Variants in PITPNM3 observed in about 807,000 individuals in gnomAD.
PITPNM3 encodes the protein membrane-associated phosphatidylinositol transfer protein 3.
A neutral mutation model predicts 102.0 loss-of-function variants in PITPNM3; 26 were observed. The ratio of observed to expected loss-of-function variants is 0.25; its 90% CI spans 0.19 to 0.35. The LOEUF (loss-of-function observed/expected upper bound fraction) is 0.35, where lower values mean the gene tolerates loss of function less well. PITPNM3 is among the 10% of genes least tolerant of loss of function. PITPNM3 has a pLI of 1.00. For missense variants in PITPNM3, 1,083 were observed against 1,346.1 expected (o/e 0.80, Z 3.06); for synonymous variants, 578 against 558.6 (o/e 1.03, Z -0.49).
chr17:6,472,902 T>G lies in PITPNM3; in HGVS notation c.1259-75A>C. 6.4e-7 allele frequency: 1 copy of G among 1,551,664 alleles called. No individual in the cohort carries two copies. Among genetic ancestry groups the G allele is most frequent in the Non-Finnish European group, 8.8e-7 (1 of 1,135,848 alleles). ...CTGGGCCCTAGGAGGCTCCCTGGAA[T>G]GCAGCCTGGAGTAGCCTACTCCCCT... On this transcript the variant is annotated intron_variant, in intron 10 of 19. Transcript: ENST00000262483. The surrounding 1 kb of genome is among the most constrained non-coding windows in gnomAD (Gnocchi z 4.1).
At chr17:6,482,050 C>T (rs926566393) in intron 6 of PITPNM3, among the ~76,000 whole-genome samples, 1 of 106,528 alleles carries the variant, frequency 9.4e-6, no homozygotes, top group Non-Finnish European at 2.3e-5. Flanking sequence ...GTCTCTCTCT[C>T]TCTCTCTCTC....
chr17:6,492,475 G>A (rs1016716177), intron 4 of PITPNM3, among the ~76,000 whole-genome samples: 3 of 152,186 alleles, frequency 2.0e-5, no homozygotes, highest in African/African-American at 7.2e-5. Context: ...AGGCTAATGA[G>A]GGAGTATAAA....
intron 16 of PITPNM3, 45 bp downstream of exon 16, chr17:6,464,125 A>T (rs1014862603): frequency 5.6e-6 from 9 of 1,613,728 alleles, no homozygotes; most frequent in Non-Finnish European, 7.6e-6. Context: ...TGGAAGGGCC[A>T]TAGAAATGAG....
intron 1 of PITPNM3, among the ~76,000 whole-genome samples, chr17:6,539,162 C>T (rs1012744597): frequency 5.3e-5 from 8 of 152,152 alleles, no homozygotes; most frequent in African/African-American, 1.9e-4. Flanking sequence ...AACACCAACT[C>T]GGTAGTCACC....
intron 9 of PITPNM3, 123 bp from the exon 10 acceptor site, chr17:6,474,727 G>T: frequency 8.3e-7 from 1 of 1,206,346 alleles, no homozygotes; most frequent in Non-Finnish European, 1.1e-6. Flanking sequence ...TCTCTGGGGC[G>T]GGGCTGAGAG....
intron 4 of PITPNM3, among the ~76,000 whole-genome samples, chr17:6,501,317 C>T (rs765168799): frequency 6.6e-5 from 10 of 152,170 alleles, no homozygotes; most frequent in Non-Finnish European, 1.5e-4. Context: ...TCTGGGGCCT[C>T]GCTGGCCAGG....
At chr17:6,543,597 G>C (rs1176202599) in intron 1 of PITPNM3, among the ~76,000 whole-genome samples, 1 of 152,256 alleles carries the variant, frequency 6.6e-6, no homozygotes, top group Non-Finnish European at 1.5e-5. Context: ...GATGGTGCCA[G>C]GAAGGAAGGA....
chr17:6,471,789 G>C (rs1196205351), intron 11 of PITPNM3, among the ~76,000 whole-genome samples: 3 of 152,158 alleles, frequency 2.0e-5, no homozygotes, highest in Non-Finnish European at 4.4e-5. Flanking sequence ...GGGGACTCCA[G>C]CCTGAGAGCT....
At chr17:6,464,424 C>CCCTGGCTCCTGCCAG in intron 15 of PITPNM3, 106 bp from the exon 16 acceptor site, 1 of 1,278,382 alleles carries the variant, frequency 7.8e-7, no homozygotes, top group Non-Finnish European at 1.1e-6. Context: ...GCCTGACATT[C>CCCTGGCTCCTGCCAG]CCTGGCTCCT....
chr17:6,551,756 G>A (rs1219420620), intron 1 of PITPNM3, among the ~76,000 whole-genome samples: 1 of 151,630 alleles, frequency 6.6e-6, no homozygotes, highest in Non-Finnish European at 1.5e-5. Context: ...TTTAATCTGC[G>A]CTAGTCCCCT....
intron 2 of PITPNM3, among the ~76,000 whole-genome samples, chr17:6,536,270 G>A (rs1909424233): frequency 6.6e-6 from 1 of 152,174 alleles, no homozygotes; most frequent in African/African-American, 2.4e-5. Flanking sequence ...GGGACGGCAG[G>A]TGAGCAGGGC....
chr17:6,507,470 G>T (rs1295394862), intron 3 of PITPNM3, among the ~76,000 whole-genome samples: 1 of 152,166 alleles, frequency 6.6e-6, no homozygotes, highest in Non-Finnish European at 1.5e-5. Flanking sequence ...TGTAATCCCA[G>T]CTACTAGGGA....
At chr17:6,510,330 T>C (rs1242462115) in intron 3 of PITPNM3, among the ~76,000 whole-genome samples, 1 of 152,176 alleles carries the variant, frequency 6.6e-6, no homozygotes, top group South Asian at 2.1e-4. Flanking sequence ...CAAATCTCCC[T>C]GCTTCCCACA....
In PITPNM3 at chr17:6,455,348, G is replaced by A. The variant is rs777744887; in HGVS notation, c.2915C>T (p.Ser972Leu). The change falls in exon 20 of 20, where the codon TCG becomes TTG. Residue 972 changes from serine (S) to leucine (L), a missense_variant. By Grantham distance (145) the Ser-to-Leu change is moderately radical (BLOSUM62 -2). This residue lies in a region of PITPNM3 where 208 missense variants were observed against 178.2 expected (regional missense o/e 1.17). Coordinates refer to ENST00000262483, the MANE Select transcript of PITPNM3 (RefSeq NM_031220.4). The stretch of plus-strand genomic sequence containing the variant: ...AGCACAGCCCACCCCTCAGGGCACC[G>A]ACTCGAACTTGGGGGGCCCACGCGC... ...SWARGPPKFE[S>L]VP The A allele has an allele frequency of 1.8e-5, 28 of 1,578,192 alleles. No homozygotes were observed. Among genetic ancestry groups the A allele is most frequent in the South Asian group, 2.3e-5 (2 of 85,664 alleles).
At chr17:6,462,725 A>C (rs898003525) in intron 17 of PITPNM3, among the ~76,000 whole-genome samples, 9 of 152,202 alleles carry the variant, frequency 5.9e-5, no homozygotes, top group African/African-American at 2.2e-4. Flanking sequence ...GGGAGTTCTA[A>C]AACTGGATGA....
intron 4 of PITPNM3, among the ~76,000 whole-genome samples, chr17:6,489,569 G>T (rs929459216): frequency 1.3e-5 from 2 of 152,024 alleles, no homozygotes; most frequent in Non-Finnish European, 2.9e-5. Flanking sequence ...TGGTCTCTTT[G>T]TTCTTACTAA....
intron 3 of PITPNM3, among the ~76,000 whole-genome samples, chr17:6,513,652 C>T (rs1907994685): frequency 6.6e-6 from 1 of 152,206 alleles, no homozygotes. Context: ...AGAAGACTTA[C>T]ATAAATGTAA....
intron 3 of PITPNM3, among the ~76,000 whole-genome samples, chr17:6,505,218 A>ATATAT: frequency 6.9e-6 from 1 of 145,918 alleles, no homozygotes; most frequent in East Asian, 2.0e-4. Context: ...ATATATATGT[A>ATATAT]AAGCCTTCAG....
chr17:6,549,873 C>CT (rs1362129889), intron 1 of PITPNM3, among the ~76,000 whole-genome samples: 1 of 152,174 alleles, frequency 6.6e-6, no homozygotes, highest in Non-Finnish European at 1.5e-5. Flanking sequence ...TGGTGATGGC[C>CT]TGCCAGGAGG....
Sources: gnomAD v4.1 joint callset for allele counts (sites outside exome capture counted in the v4.1 genomes callset) on GRCh38, gnomAD v4.1.1 for gene constraint, gnomAD v4.1.1 regional missense constraint, Gnocchi (gnomAD v3.1) non-coding constraint, MANE v1.5 for transcripts, NCBI Gene and HGNC (gene_info 2026-07-23, HGNC 2026-07-21) for gene names.